GABRR2: variants seen among roughly 807,000 people sequenced by gnomAD.
The protein encoded by GABRR2 is gamma-aminobutyric acid type A receptor subunit rho2.
A neutral mutation model predicts 47.0 loss-of-function variants in GABRR2; 36 were observed. That is an observed-to-expected ratio of 0.77 (90% CI 0.59 to 1.01). The LOEUF (loss-of-function observed/expected upper bound fraction) is 1.01, where lower values mean the gene tolerates loss of function less well. Among genes scored for constraint, GABRR2 ranks in the 50% least tolerant of loss-of-function variants. GABRR2 has a pLI of 0.00. For synonymous variants in GABRR2, 204 were observed against 227.5 expected (o/e 0.90, Z 0.93); for missense variants, 587 against 594.6 (o/e 0.99, Z 0.13).
At chr6:89,258,432 G>A (rs530946289) in intron 8 of GABRR2, among the ~76,000 whole-genome samples, 4 of 151,960 alleles carry the variant, frequency 2.6e-5, no homozygotes, top group African/African-American at 7.2e-5. Context: ...GGAGCCAGGC[G>A]CAGTGGCTCA....
rs540403234 is a variant in GABRR2 at position 89,285,237 on chromosome 6, G to A, written c.221-13515C>T. Among the ~76,000 whole-genome samples the A allele has an allele frequency of 2.1e-4, 32 of 152,336 alleles. No homozygotes were observed. In the East Asian group the frequency reaches 6.2e-3, roughly 29 times the overall value. On this transcript the variant is annotated intron_variant, in intron 2 of 8. Transcript: ENST00000402938. ...TGGCCAGACTGGGCCCAGCTACCCT[G>A]GCATTGCTGGCGCAAGGGAATTGTT...
At chr6:89,266,231 T>A (rs1037416111) in intron 6 of GABRR2, among the ~76,000 whole-genome samples, 5 of 152,128 alleles carry the variant, frequency 3.3e-5, no homozygotes, top group South Asian at 2.1e-4. Flanking sequence ...CCCAGCTAAA[T>A]TTTTTTTCTT....
At chr6:89,265,788 A>G (rs1250593449) in intron 6 of GABRR2, 23 bp from the exon 7 acceptor site, 1 of 1,612,232 alleles carries the variant, frequency 6.2e-7, no homozygotes. Context: ...GGAAGAAGCC[A>G]ATGAGGTTCC....
intron 2 of GABRR2, among the ~76,000 whole-genome samples, chr6:89,278,239 T>C (rs751405036): frequency 6.6e-6 from 1 of 152,162 alleles, no homozygotes; most frequent in Non-Finnish European, 1.5e-5. Flanking sequence ...ATGTTGGAGA[T>C]GAAAGAATAA....
chr6:89,273,654 G>A (rs1774102913), intron 2 of GABRR2, among the ~76,000 whole-genome samples: 1 of 152,184 alleles, frequency 6.6e-6, no homozygotes, highest in Admixed American at 6.5e-5. Context: ...TCCCCTGAGG[G>A]CCTTGCAACC....
At chr6:89,301,818 C>A in intron 1 of GABRR2, 2 of 950,176 alleles carry the variant, frequency 2.1e-6, no homozygotes, top group Non-Finnish European at 3.4e-6. Flanking sequence ...CCGGCCAGTG[C>A]GGCAACTAGA....
intron 2 of GABRR2, among the ~76,000 whole-genome samples, chr6:89,290,988 G>A (rs79375947): frequency 6.6e-6 from 1 of 152,006 alleles, no homozygotes; most frequent in African/African-American, 2.4e-5. Context: ...CCATGCCTCC[G>A]TAAACGCACT....
At chr6:89,260,842 C>T (rs1562345922) in intron 8 of GABRR2, among the ~76,000 whole-genome samples, 1 of 152,202 alleles carries the variant, frequency 6.6e-6, no homozygotes, top group African/African-American at 2.4e-5. Context: ...GGAACCTCAG[C>T]TCTATTGGGA....
intron 2 of GABRR2, among the ~76,000 whole-genome samples, chr6:89,287,220 G>A (rs1044091730): frequency 2.0e-5 from 3 of 152,186 alleles, no homozygotes; most frequent in Admixed American, 1.3e-4. Flanking sequence ...AGCACCAGGA[G>A]AGCCAAGGGG....
intron 1 of GABRR2, among the ~76,000 whole-genome samples, chr6:89,301,551 A>T (rs1164572694): frequency 6.6e-6 from 1 of 152,090 alleles, no homozygotes; most frequent in Non-Finnish European, 1.5e-5. Flanking sequence ...CAATGTAAAA[A>T]ATCACTGGCA....
intron 1 of GABRR2, among the ~76,000 whole-genome samples, chr6:89,308,246 G>A (rs773792290): frequency 5.9e-5 from 9 of 152,122 alleles, no homozygotes. Flanking sequence ...ATTCCTCACC[G>A]GCTCTGCCCA....
At position 89,315,145 on chromosome 6, in the gene GABRR2, G is replaced by A. The variant is rs541239687; in HGVS notation, c.21C>T (p.Leu7=). The stretch of plus-strand genomic sequence containing the variant: ...CCATCAAGCAAAACAAGAACAAAAT[G>A]AGTCTTGTAAAATAAGGCATTTTGT... MPYFTR[L]ILFLFCLMVL... is the part of the protein sequence containing the mutation. Residue 7 remains leucine (L), a synonymous_variant, in exon 1 of 9, where the codon CTC becomes CTT. Coordinates refer to ENST00000402938, the MANE Select transcript of GABRR2 (RefSeq NM_002043.5). The A allele has an allele frequency of 3.0e-5, 48 of 1,613,890 alleles. 1 individual carries two copies. The East Asian group carries it at 6.5e-4, about 22-fold the overall frequency.
intron 8 of GABRR2, among the ~76,000 whole-genome samples, chr6:89,263,671 C>T (rs1773807703): frequency 1.3e-5 from 2 of 152,192 alleles, no homozygotes; most frequent in South Asian, 4.2e-4. Flanking sequence ...TACAGGCGTG[C>T]ACCACCATGC....
intron 6 of GABRR2, 121 bp downstream of exon 6, chr6:89,267,558 C>T (rs1773927806): frequency 2.0e-6 from 2 of 997,772 alleles, no homozygotes; most frequent in East Asian, 2.5e-5. Flanking sequence ...CAGAGTGAGA[C>T]CTTGTCTCAA....
chr6:89,262,539 TTTTCAAA>T (rs746535655), intron 8 of GABRR2, among the ~76,000 whole-genome samples: 2 of 152,170 alleles, frequency 1.3e-5, no homozygotes, highest in Non-Finnish European at 2.9e-5. Flanking sequence ...AAAGTCTCCT[TTTTCAAA>T]TTTATAAATT....
chr6:89,304,009 A>T (rs1767508348), intron 1 of GABRR2, among the ~76,000 whole-genome samples: 2 of 152,234 alleles, frequency 1.3e-5, no homozygotes, highest in Admixed American at 1.3e-4. Context: ...ACCCTGGAAG[A>T]CACCCTAGGC....
chr6:89,310,960 C>T (rs1395898684), intron 1 of GABRR2, among the ~76,000 whole-genome samples: 1 of 152,192 alleles, frequency 6.6e-6, no homozygotes, highest in Non-Finnish European at 1.5e-5. Flanking sequence ...AGAGGAAAGT[C>T]CAATTTAACT....
intron 8 of GABRR2, among the ~76,000 whole-genome samples, chr6:89,261,042 C>A (rs1157031818): frequency 1.3e-5 from 2 of 152,174 alleles, no homozygotes; most frequent in Non-Finnish European, 2.9e-5. Flanking sequence ...GCCTGAGGCC[C>A]TCTCCATAGA....
intron 2 of GABRR2, among the ~76,000 whole-genome samples, chr6:89,283,200 T>G (rs987196209): frequency 6.6e-6 from 1 of 152,024 alleles, no homozygotes; most frequent in Non-Finnish European, 1.5e-5. Flanking sequence ...TTTAATTTTT[T>G]TTTTTGCTTG....
Sources: gnomAD v4.1 joint callset for allele counts (sites outside exome capture counted in the v4.1 genomes callset) on GRCh38, gnomAD v4.1.1 for gene constraint, MANE v1.5 for transcripts, NCBI Gene and HGNC (gene_info 2026-07-23, HGNC 2026-07-21) for gene names.